The following TTC39C variants were observed in gnomAD, a reference collection of about 807,000 sequenced individuals.
TTC39C encodes tetratricopeptide repeat domain 39C.
TTC39C carries 33 observed loss-of-function variants against 76.3 expected under a neutral mutation model. The observed-to-expected ratio is 0.43, with a 90% CI of 0.33 to 0.58. TTC39C has a LOEUF of 0.58. TTC39C is among the 20% of genes least tolerant of loss of function. The pLI is 0.04. For missense variants in TTC39C, 595 were observed against 701.4 expected (o/e 0.85, Z 1.71); for synonymous variants, 254 against 260.6 (o/e 0.97, Z 0.24).
At chr18:24,022,802 C>A (rs1440421659) in intron 1 of TTC39C, 1 of 985,274 alleles carries the variant, frequency 1.0e-6, no homozygotes, top group Admixed American at 6.2e-5. Context: ...CTGCCCTTGT[C>A]CCTTCCATGC....
intron 1 of TTC39C, among the ~76,000 whole-genome samples, chr18:24,017,313 T>C (rs185819332): frequency 6.6e-6 from 1 of 152,214 alleles, no homozygotes; most frequent in Non-Finnish European, 1.5e-5. Context: ...CAACCTGGGT[T>C]CCAGTCTTTT....
At chr18:24,004,269 C>A (rs571153152) in intron 1 of TTC39C, among the ~76,000 whole-genome samples, 5 of 152,194 alleles carry the variant, frequency 3.3e-5, no homozygotes, top group Non-Finnish European at 7.3e-5. Context: ...ATCTAAGCAT[C>A]CAGTTCCCTA....
chr18:24,052,559 T>C (rs2083964771), intron 1 of TTC39C, among the ~76,000 whole-genome samples: 1 of 152,190 alleles, frequency 6.6e-6, no homozygotes, highest in Non-Finnish European at 1.5e-5. Flanking sequence ...AAATTATTGC[T>C]TTTTTTAAAG....
chr18:24,093,229 C>T (rs1009005960), intron 6 of TTC39C, among the ~76,000 whole-genome samples: 1 of 152,112 alleles, frequency 6.6e-6, no homozygotes, highest in Non-Finnish European at 1.5e-5. Flanking sequence ...CCTATAATCC[C>T]AGCACTTTGG....
chr18:24,014,741 T>TCTCCCCTCCCCTCCC (rs956931369), upstream of TTC39C: 14 of 1,124,196 alleles, frequency 1.2e-5, no homozygotes, highest in Admixed American at 1.4e-4. Flanking sequence ...CCTCCCGTCT[T>TCTCCCCTCCCCTCCC]CTCCCCTCCC....
chr18:23,993,852 A>G (rs905652107), intron 1 of TTC39C, among the ~76,000 whole-genome samples: 1 of 152,218 alleles, frequency 6.6e-6, no homozygotes, highest in Non-Finnish European at 1.5e-5. Context: ...ATGTTTTGGT[A>G]TTAGGTTTGT....
intron 4 of TTC39C, among the ~76,000 whole-genome samples, chr18:24,078,326 G>A (rs2084333271): frequency 6.6e-6 from 1 of 152,096 alleles, no homozygotes; most frequent in South Asian, 2.1e-4. Flanking sequence ...CATAGATTGG[G>A]GGTCCCCAAG....
At chr18:24,046,340 G>A (rs1201490040) in intron 1 of TTC39C, among the ~76,000 whole-genome samples, 1 of 151,700 alleles carries the variant, frequency 6.6e-6, no homozygotes, top group Non-Finnish European at 1.5e-5. Context: ...TATGTGCCGA[G>A]CTTCAGACTA....
Position 24,017,875 on chromosome 18 carries a change from TA to T in TTC39C, c.167+2838del, listed in dbSNP as rs1488255392. On this transcript the variant is annotated intron_variant, in intron 1 of 13. Coordinates refer to ENST00000317571, the MANE Select transcript of TTC39C (RefSeq NM_001135993.2). ...TAACAGTAGAAACGTATTTTGTATC[TA>T]GTGTAACAATATTTTTTATTAAAGC... is the stretch of plus-strand genomic sequence containing the variant. 3.3e-5 allele frequency among the ~76,000 whole-genome samples: 5 copies of T among 152,346 alleles called. 1 individual carries two copies. Among genetic ancestry groups the T allele is most frequent in the African/African-American group, 1.2e-4 (5 of 41,586 alleles).
intron 1 of TTC39C, chr18:24,019,814 A>G (rs185012639): frequency 3.4e-6 from 5 of 1,463,990 alleles, no homozygotes; most frequent in Non-Finnish European, 1.8e-6. Flanking sequence ...GTCAGAGACC[A>G]TATGGCATGC....
At chr18:24,073,688 T>C (rs117727521) in intron 4 of TTC39C, among the ~76,000 whole-genome samples, 1 of 152,026 alleles carries the variant, frequency 6.6e-6, no homozygotes. Context: ...GCTAATTTTT[T>C]AAAAATTTTT....
At chr18:24,080,302 A>G (rs982636360) in intron 4 of TTC39C, among the ~76,000 whole-genome samples, 1 of 152,324 alleles carries the variant, frequency 6.6e-6, no homozygotes, top group Non-Finnish European at 1.5e-5. Flanking sequence ...CATTCGATGT[A>G]TATTACATAC....
At chr18:24,049,235 A>G (rs928754721) in intron 1 of TTC39C, among the ~76,000 whole-genome samples, 5 of 152,236 alleles carry the variant, frequency 3.3e-5, no homozygotes, top group Non-Finnish European at 7.3e-5. Flanking sequence ...GTAGGCGTGG[A>G]AAAGATTTTT....
chr18:24,057,069 T>G (rs1337648214), intron 1 of TTC39C, among the ~76,000 whole-genome samples: 1 of 147,834 alleles, frequency 6.8e-6, no homozygotes, highest in African/African-American at 2.5e-5. Context: ...TTCTTGTCAC[T>G]CAGCTTCAAT....
At chr18:24,045,558 T>C (rs1447614477) in intron 1 of TTC39C, among the ~76,000 whole-genome samples, 1 of 148,400 alleles carries the variant, frequency 6.7e-6, no homozygotes, top group Non-Finnish European at 1.5e-5. Context: ...TAGTTTTCAC[T>C]GTCTGTATTT....
chr18:24,097,771 A>G (rs2084608950), intron 6 of TTC39C, among the ~76,000 whole-genome samples: 1 of 152,204 alleles, frequency 6.6e-6, no homozygotes, highest in Admixed American at 6.5e-5. Flanking sequence ...TGATTTCACC[A>G]TTCTTTCACC....
chr18:24,073,774 C>T (rs1239545624), intron 4 of TTC39C, among the ~76,000 whole-genome samples: 4 of 152,242 alleles, frequency 2.6e-5, no homozygotes, highest in African/African-American at 9.6e-5. Flanking sequence ...TCCGCCTTGT[C>T]CTCCCAAAGT....
At chr18:23,996,208 C>T (rs2083259695) in intron 1 of TTC39C, among the ~76,000 whole-genome samples, 1 of 152,224 alleles carries the variant, frequency 6.6e-6, no homozygotes, top group Non-Finnish European at 1.5e-5. Context: ...TGTATATCCT[C>T]TTCAGTAAAA....
upstream of TTC39C, among the ~76,000 whole-genome samples, chr18:24,010,256 G>A (rs571291865): frequency 1.1e-4 from 17 of 152,304 alleles, no homozygotes; most frequent in East Asian, 2.7e-3. Context: ...TTTACAGCTC[G>A]GGGTCTGCCT....
Sources: allele counts gnomAD v4.1 joint callset (sites outside exome capture counted in the v4.1 genomes callset), GRCh38; gene constraint gnomAD v4.1.1; transcripts MANE v1.5; gene names NCBI Gene and HGNC (gene_info 2026-07-23, HGNC 2026-07-21).